CDKN2B-AS1: variants seen among roughly 807,000 people sequenced by gnomAD.
CDKN2B-AS1 encodes CDKN2B and CDKN2A antisense cis and trans regulatory RNA 1, also known as CDKN2B antisense RNA 1 (non-protein coding).
intron 4 of CDKN2B-AS1, among the ~76,000 whole-genome samples, chr9:22,094,938 T>A (rs1488128012): frequency 2.1e-5 from 3 of 144,516 alleles, no homozygotes; most frequent in Non-Finnish European, 4.4e-5. Flanking sequence ...CCCATCTTTG[T>A]GGTTTTATCT....
intron 4 of CDKN2B-AS1, among the ~76,000 whole-genome samples, chr9:22,093,709 TG>T (rs1294826448): frequency 7.0e-6 from 1 of 143,742 alleles, no homozygotes; most frequent in Non-Finnish European, 1.5e-5. Flanking sequence ...AGCCTATGTG[TG>T]TTTCTGCACA....
At chr9:22,048,509 C>G (rs573226981) in intron 2 of CDKN2B-AS1, among the ~76,000 whole-genome samples, 1 of 152,258 alleles carries the variant, frequency 6.6e-6, no homozygotes, top group Non-Finnish European at 1.5e-5. Context: ...ATTTTGCAAT[C>G]AGTTTCATAC....
chr9:22,108,732 T>C (rs1179195512), intron 4 of CDKN2B-AS1, among the ~76,000 whole-genome samples: 2 of 152,158 alleles, frequency 1.3e-5, no homozygotes, highest in Non-Finnish European at 2.9e-5. Context: ...CCATTTCCAA[T>C]GAAACTCACT....
exon 5 of CDKN2B-AS1, among the ~76,000 whole-genome samples, chr9:22,127,902 A>C (rs1818040147): frequency 6.6e-6 from 1 of 152,178 alleles, no homozygotes; most frequent in Non-Finnish European, 1.5e-5. Flanking sequence ...GTGGTGAAAT[A>C]AGAGTGTGGG....
At chr9:22,111,134 C>G (rs1280842817) in intron 4 of CDKN2B-AS1, among the ~76,000 whole-genome samples, 5 of 151,956 alleles carry the variant, frequency 3.3e-5, no homozygotes, top group African/African-American at 1.2e-4. Context: ...CTGTTATGAA[C>G]AATGTGGCTT....
chr9:22,017,224 A>C (rs1821808651), intron 1 of CDKN2B-AS1, among the ~76,000 whole-genome samples: 3 of 152,226 alleles, frequency 2.0e-5, no homozygotes, highest in African/African-American at 2.4e-5. Flanking sequence ...CAGGAGTTCG[A>C]GACCAGCCTG....
Position 22,001,646 on chromosome 9 carries a change from A to ATT in CDKN2B-AS1, n.29+6485_29+6486insTT, listed in dbSNP as rs1820923179. On this transcript the variant is annotated intron_variant and non_coding_transcript_variant, in intron 1 of 4. Coordinates refer to ENST00000650946, the Ensembl canonical transcript of CDKN2B-AS1. This position sits in a 1 kb window ranked among gnomAD's most constrained non-coding sequence, Gnocchi z 4.2. Reference sequence around the variant, plus strand: ...TGTAATTAATAGGGCCTATATGTGAAAGTTACTGTGTTTCTGTAAAATGAA... The same window carrying ATT: ...TGTAATTAATAGGGCCTATATGTGAATTAGTTACTGTGTTTCTGTAAAATGAA... 1.3e-5 allele frequency among the ~76,000 whole-genome samples: 2 copies of ATT among 152,118 alleles called. No homozygotes were observed. Among genetic ancestry groups the ATT allele is most frequent in the Non-Finnish European group, 2.9e-5 (2 of 67,982 alleles).
At chr9:22,084,339 A>G (rs187867089) in intron 4 of CDKN2B-AS1, among the ~76,000 whole-genome samples, 72 of 152,346 alleles carry the variant, frequency 4.7e-4, no homozygotes, top group African/African-American at 1.7e-3. Context: ...ATCTACCACT[A>G]TTAAATTTTG....
intron 4 of CDKN2B-AS1, among the ~76,000 whole-genome samples, chr9:22,056,879 T>G (rs1488678567): frequency 6.6e-6 from 1 of 152,190 alleles, no homozygotes. Flanking sequence ...AATTTAGAAT[T>G]CTTGATTCTT....
intron 1 of CDKN2B-AS1, among the ~76,000 whole-genome samples, chr9:22,011,067 T>TACACC (rs1480356715): frequency 6.6e-6 from 1 of 152,072 alleles, no homozygotes; most frequent in African/African-American, 2.4e-5. Flanking sequence ...CAACTTTGGG[T>TACACC]AGGGAAAACG....
chr9:22,091,765 C>A (rs1318106748), intron 4 of CDKN2B-AS1, among the ~76,000 whole-genome samples: 1 of 152,172 alleles, frequency 6.6e-6, no homozygotes, highest in Non-Finnish European at 1.5e-5. Context: ...ATGTCATCTG[C>A]AAACAGGGAC....
At chr9:22,051,591 A>G (rs902486253) in intron 3 of CDKN2B-AS1, among the ~76,000 whole-genome samples, 1 of 152,128 alleles carries the variant, frequency 6.6e-6, no homozygotes, top group Non-Finnish European at 1.5e-5. Context: ...CCAAATTTGC[A>G]ATTTGGCAGC....
intron 1 of CDKN2B-AS1, among the ~76,000 whole-genome samples, chr9:22,013,864 T>A (rs1034400885): frequency 6.6e-5 from 10 of 152,198 alleles, no homozygotes; most frequent in Admixed American, 6.5e-4. Flanking sequence ...TGGATTTTGC[T>A]GAATGCTTCT....
chr9:22,072,032 G>A (rs72693666), intron 4 of CDKN2B-AS1, among the ~76,000 whole-genome samples: 264 of 152,296 alleles, frequency 1.7e-3, no homozygotes, highest in Non-Finnish European at 3.0e-3. Flanking sequence ...AGAAGGGACA[G>A]GGGAAAGTCC....
intron 4 of CDKN2B-AS1, among the ~76,000 whole-genome samples, chr9:22,077,463 T>A (rs1293692040): frequency 6.6e-6 from 1 of 152,002 alleles, no homozygotes; most frequent in Non-Finnish European, 1.5e-5. Flanking sequence ...TCAACATACT[T>A]AAAGTTTTCC....
At chr9:22,099,910 G>T (rs1825425546) in intron 4 of CDKN2B-AS1, among the ~76,000 whole-genome samples, 1 of 152,118 alleles carries the variant, frequency 6.6e-6, no homozygotes, top group South Asian at 2.1e-4. Context: ...CTTTTAGTGG[G>T]GGGCATTGGG....
intron 4 of CDKN2B-AS1, among the ~76,000 whole-genome samples, chr9:22,123,598 A>G (rs542078514): frequency 6.6e-6 from 1 of 151,636 alleles, no homozygotes; most frequent in East Asian, 1.9e-4. Flanking sequence ...TGCTATTAGG[A>G]TGGCCAATGA....
chr9:22,080,254 C>A (rs928826515), intron 4 of CDKN2B-AS1, among the ~76,000 whole-genome samples: 5 of 152,242 alleles, frequency 3.3e-5, no homozygotes, highest in Non-Finnish European at 5.9e-5. Context: ...ACTTTCCCCT[C>A]CCTGGCTCCC....
At chr9:22,013,351 A>G (rs1365478439) in intron 1 of CDKN2B-AS1, among the ~76,000 whole-genome samples, 3 of 152,196 alleles carry the variant, frequency 2.0e-5, no homozygotes, top group Non-Finnish European at 4.4e-5. Context: ...TTCTTTTTAA[A>G]CTGTTATTAA....
Sources: gnomAD v4.1 joint callset for allele counts (sites outside exome capture counted in the v4.1 genomes callset) on GRCh38, gnomAD v4.1.1 for gene constraint, Gnocchi (gnomAD v3.1) non-coding constraint, MANE v1.5 for transcripts, NCBI Gene and HGNC (gene_info 2026-07-23, HGNC 2026-07-21) for gene names.